The following IQSEC1 variants were observed in gnomAD, a reference collection of about 807,000 sequenced individuals.
IQSEC1 encodes IQ motif and Sec7 domain ArfGEF 1.
A neutral mutation model predicts 91.0 loss-of-function variants in IQSEC1; 31 were observed. The observed-to-expected ratio is 0.34, with a 90% CI of 0.26 to 0.46. The LOEUF (loss-of-function observed/expected upper bound fraction) is 0.46. Ranked by LOEUF, IQSEC1 falls within the 20% of genes least tolerant of loss-of-function variation. The probability of loss-of-function intolerance (pLI) is 1.00; values close to 1 mark genes in which losing one functional copy is unlikely to be tolerated. For synonymous variants in IQSEC1, 699 were observed against 662.6 expected, an observed-to-expected ratio of 1.05 and a Z score of -0.84; for missense variants, 1,388 against 1,575.6, an observed-to-expected ratio of 0.88 and a Z score of 2.02.
intron 1 of IQSEC1, among the ~76,000 whole-genome samples, chr3:12,986,038 T>C (rs1347764907): frequency 1.3e-5 from 2 of 152,218 alleles, no homozygotes; most frequent in African/African-American, 4.8e-5. Flanking sequence ...TTGAAAGCCC[T>C]TCTTTACCAT....
chr3:12,967,351 C>G lies in IQSEC1; in HGVS notation c.24-25486G>C. On this transcript the variant is annotated intron_variant, in intron 1 of 13. Coordinates refer to ENST00000613206, the MANE Select transcript of IQSEC1 (RefSeq NM_001134382.3). This position sits in a 1 kb window ranked among gnomAD's most constrained non-coding sequence, Gnocchi z 5.9. Reference sequence around the variant, plus strand: ...GCCTGCGCCAGCCCACCGCTCAGCACCCGGGAAGGCCGCTCGCCCCGCGCC... The same window carrying G: ...GCCTGCGCCAGCCCACCGCTCAGCAGCCGGGAAGGCCGCTCGCCCCGCGCC... The G allele has an allele frequency of 4.6e-6, 7 of 1,515,544 alleles. No individual in the cohort carries two copies. The highest frequency in any genetic ancestry group is 2.4e-5 in the South Asian group (2 of 82,502). 93.9% of individuals were successfully genotyped at this position (1,515,544 alleles called of 1,614,324 possible). A position where few individuals can be genotyped will look rare whatever the true frequency, so the allele number is the denominator to read the frequency against.
chr3:13,221,381 G>A lies in IQSEC1; in HGVS notation c.273-57248C>T, dbSNP rs190491858. On this transcript the variant is annotated intron_variant, in intron 1 of 15. Coordinates refer to the IQSEC1 transcript ENST00000648114. ...GGACATGTCCCTGCGGTAGGAGCCA[G>A]GGAGAGGTGGAGTTAGGACAGAGCC... 3.0e-3 allele frequency among the ~76,000 whole-genome samples: 451 copies of A among 152,354 alleles called. 3 individuals are homozygous for A. Among genetic ancestry groups the A allele is most frequent in the African/African-American group, 7.8e-3 (326 of 41,594 alleles).
Position 12,908,550 on chromosome 3 carries a change from T to C in IQSEC1, c.2579-25A>G, listed in dbSNP as rs775088774. On this transcript the variant is annotated intron_variant, in intron 11 of 13. Transcript: ENST00000613206. The surrounding 1 kb of genome is among the most constrained non-coding windows in gnomAD (Gnocchi z 4.9). ...GCTGGAACAGAGAGGGTGAGGGTCC[T>C]GGTGAGAGGAGCACAGCCTAGAGTG... is the stretch of plus-strand genomic sequence containing the variant. 6.2e-7 allele frequency: 1 copy of C among 1,612,922 alleles called. No individual in the cohort carries two copies. The highest frequency in any genetic ancestry group is 8.5e-7 in the Non-Finnish European group (1 of 1,179,822).
chr3:13,017,244 C>G (rs533192528), intron 1 of IQSEC1, among the ~76,000 whole-genome samples: 5 of 152,328 alleles, frequency 3.3e-5, no homozygotes, highest in African/African-American at 1.2e-4. Flanking sequence ...TGCCTGAAGG[C>G]ATCTTCATTT....
chr3:12,905,895 G>C (rs1694923865), intron 12 of IQSEC1, among the ~76,000 whole-genome samples: 1 of 152,202 alleles, frequency 6.6e-6, no homozygotes, highest in African/African-American at 2.4e-5. Flanking sequence ...GTCCTTGCTG[G>C]GTCCTTGGTC....
intron 1 of IQSEC1, among the ~76,000 whole-genome samples, chr3:13,238,501 T>C (rs1360648278): frequency 6.6e-6 from 1 of 152,144 alleles, no homozygotes; most frequent in Non-Finnish European, 1.5e-5. Flanking sequence ...GACAGAACCT[T>C]CATGGCACTT....
At chr3:12,947,456 CCA>C (rs1287136939) in intron 1 of IQSEC1, among the ~76,000 whole-genome samples, 1 of 151,784 alleles carries the variant, frequency 6.6e-6, no homozygotes, top group Admixed American at 6.6e-5. Context: ...CACCCTCACC[CCA>C]CACACTCTTC....
intron 1 of IQSEC1, among the ~76,000 whole-genome samples, chr3:13,235,689 G>A (rs79331784): frequency 0.016 from 2,395 of 152,248 alleles, 44 homozygotes; most frequent in African/African-American, 0.051. Context: ...AGATCCTTGT[G>A]GCAGCAAAGG....
chr3:12,938,868 G>A (rs779493961), intron 2 of IQSEC1, among the ~76,000 whole-genome samples: 10 of 152,178 alleles, frequency 6.6e-5, no homozygotes, highest in Non-Finnish European at 1.5e-4. Context: ...GCAGCAATGG[G>A]CTCTGCATTT....
At chr3:13,154,769 C>T (rs1559265590) in intron 2 of IQSEC1, among the ~76,000 whole-genome samples, 1 of 151,878 alleles carries the variant, frequency 6.6e-6, no homozygotes, top group East Asian at 1.9e-4. Flanking sequence ...TACAAAGTAA[C>T]TTCTGGGACC....
chr3:13,195,352 T>A (rs1301677894), intron 1 of IQSEC1, among the ~76,000 whole-genome samples: 1 of 152,108 alleles, frequency 6.6e-6, no homozygotes, highest in African/African-American at 2.4e-5. Context: ...CCGGAGAGGA[T>A]ACAGAGAAAC....
At chr3:12,952,808 A>T (rs1252922935) in intron 1 of IQSEC1, among the ~76,000 whole-genome samples, 1 of 152,198 alleles carries the variant, frequency 6.6e-6, no homozygotes, top group Admixed American at 6.5e-5. Flanking sequence ...AGGTCTCTGA[A>T]GATAACTGGA....
At position 12,970,705 on chromosome 3, in the gene IQSEC1, C is replaced by T. The variant is rs1700850820; in HGVS notation, c.24-28840G>A. Among the ~76,000 whole-genome samples, 1 of 152,220 alleles carries T rather than the reference C, an allele frequency of 6.6e-6. No homozygotes were observed. On this transcript the variant is annotated intron_variant, in intron 1 of 13. Coordinates refer to ENST00000613206, the MANE Select transcript of IQSEC1 (RefSeq NM_001134382.3). This position sits in a 1 kb window ranked among gnomAD's most constrained non-coding sequence, Gnocchi z 4.4. Reference sequence around the variant, plus strand: ...TCAGTTCCCCACACTCCCCACTGTGCCTGGCTCACAGCTAGGACCTTGGTT... The same window carrying T: ...TCAGTTCCCCACACTCCCCACTGTGTCTGGCTCACAGCTAGGACCTTGGTT...
intron 1 of IQSEC1, among the ~76,000 whole-genome samples, chr3:13,210,637 C>A (rs993695562): frequency 6.6e-6 from 1 of 152,192 alleles, no homozygotes; most frequent in East Asian, 1.9e-4. Flanking sequence ...CAGGCAGACA[C>A]ATGCCACAGC....
intron 1 of IQSEC1, among the ~76,000 whole-genome samples, chr3:13,191,932 C>T (rs1694040040): frequency 6.6e-6 from 1 of 152,114 alleles, no homozygotes. Context: ...GAATATTGTG[C>T]CCTGTATCCT....
chr3:13,119,672 AC>A (rs1194620102), intron 2 of IQSEC1, among the ~76,000 whole-genome samples: 2 of 152,122 alleles, frequency 1.3e-5, no homozygotes, highest in Admixed American at 6.5e-5. Context: ...TGGTTTCTGG[AC>A]CCCCAGTGTC....
chr3:13,056,585 T>G (rs890831028), intron 1 of IQSEC1, among the ~76,000 whole-genome samples: 1 of 152,074 alleles, frequency 6.6e-6, no homozygotes, highest in Admixed American at 6.6e-5. Context: ...GATACACGTA[T>G]CCACTCAGCT....
chr3:12,943,851 T>C (rs1698982492), intron 1 of IQSEC1, among the ~76,000 whole-genome samples: 1 of 152,238 alleles, frequency 6.6e-6, no homozygotes, highest in Non-Finnish European at 1.5e-5. Context: ...CTGCCAATTC[T>C]GCCCTGAGCC....
In IQSEC1 at chr3:12,901,028, G is replaced by A. The variant is rs540357349; in HGVS notation, c.3300C>T (p.Pro1100=). The part of the protein sequence containing the change: ...HHGQPPAPPP[P]TSSKAKPSGI... ...CGCTGGGTTTGGCCTTGCTGCTGGT[G>A]GGGGGCGGCGGGGCAGGGGGCTGCC... Residue 1100 remains proline, a synonymous_variant, in exon 14 of 14, where the codon CCC becomes CCT. Transcript: ENST00000613206. 3.2e-6 allele frequency: 5 copies of A among 1,543,904 alleles called. No individual in the cohort carries two copies. The highest frequency in any genetic ancestry group is 2.4e-5 in the East Asian group (1 of 40,902).
Sources: allele counts gnomAD v4.1 joint callset (sites outside exome capture counted in the v4.1 genomes callset), GRCh38; gene constraint gnomAD v4.1.1; non-coding constraint Gnocchi (gnomAD v3.1); transcripts MANE v1.5; gene names NCBI Gene and HGNC (gene_info 2026-07-23, HGNC 2026-07-21).